The following SLC4A10 variants were observed in gnomAD, a reference collection of about 807,000 sequenced individuals.
SLC4A10 encodes solute carrier family 4 member 10, also known as sodium-driven chloride bicarbonate exchanger.
A neutral mutation model predicts 137.7 loss-of-function variants in SLC4A10; 42 were observed. That is an observed-to-expected ratio of 0.30 (90% CI 0.24 to 0.39). The LOEUF is 0.39. Ranked by LOEUF, SLC4A10 falls within the 10% of genes least tolerant of loss-of-function variation. The pLI is 1.00. For synonymous variants in SLC4A10, 474 were observed against 464.1 expected, an observed-to-expected ratio of 1.02 and a Z score of -0.27; for missense variants, 925 against 1,355.0, an observed-to-expected ratio of 0.68 and a Z score of 4.98.
chr2:161,786,945 T>A (rs908493561), intron 2 of SLC4A10, among the ~76,000 whole-genome samples: 2 of 151,990 alleles, frequency 1.3e-5, no homozygotes, highest in Non-Finnish European at 2.9e-5. Flanking sequence ...AGTGGTGTAA[T>A]TGCTTTATAG....
At chr2:161,938,946 AT>A (rs1316738403) in intron 15 of SLC4A10, among the ~76,000 whole-genome samples, 3 of 152,160 alleles carry the variant, frequency 2.0e-5, no homozygotes, top group Non-Finnish European at 4.4e-5. Context: ...TTTTAACAAA[AT>A]TTTTTAAAAT....
At chr2:161,637,719 T>C (rs1275339463) in intron 1 of SLC4A10, among the ~76,000 whole-genome samples, 2 of 152,166 alleles carry the variant, frequency 1.3e-5, no homozygotes, top group Non-Finnish European at 2.9e-5. Flanking sequence ...ATAATGGCTA[T>C]ACAAATTTAT....
intron 26 of SLC4A10, among the ~76,000 whole-genome samples, chr2:161,980,648 C>A (rs1316762944): frequency 6.6e-6 from 1 of 151,566 alleles, no homozygotes; most frequent in African/African-American, 2.4e-5. Context: ...CACTCTGTCT[C>A]AAAAAAAACA....
chr2:161,797,927 C>G (rs2054951645), intron 2 of SLC4A10, among the ~76,000 whole-genome samples: 1 of 151,992 alleles, frequency 6.6e-6, no homozygotes, highest in South Asian at 2.1e-4. Context: ...GTCATGAAGC[C>G]TTTTGTTTTA....
intron 2 of SLC4A10, among the ~76,000 whole-genome samples, chr2:161,783,873 A>G (rs2053333469): frequency 6.6e-6 from 1 of 151,932 alleles, no homozygotes; most frequent in Admixed American, 6.6e-5. Flanking sequence ...AGAAAACAGT[A>G]CATGACAATA....
At chr2:161,772,461 A>G (rs183747396) in intron 2 of SLC4A10, among the ~76,000 whole-genome samples, 2 of 151,906 alleles carry the variant, frequency 1.3e-5, no homozygotes, top group Non-Finnish European at 2.9e-5. Context: ...ATACTTAATA[A>G]AAAATAGCAT....
At chr2:161,870,060 A>T (rs1222341479) in intron 6 of SLC4A10, among the ~76,000 whole-genome samples, 1 of 151,264 alleles carries the variant, frequency 6.6e-6, no homozygotes, top group Non-Finnish European at 1.5e-5. Context: ...TTCATTATCA[A>T]CCTTATAAAG....
intron 1 of SLC4A10, among the ~76,000 whole-genome samples, chr2:161,671,278 A>C (rs2039688916): frequency 6.6e-6 from 1 of 152,176 alleles, no homozygotes; most frequent in African/African-American, 2.4e-5. Flanking sequence ...ACAAGGAGCC[A>C]TATTGGAAGC....
At chr2:161,858,021 G>A (rs2060201736) in intron 5 of SLC4A10, among the ~76,000 whole-genome samples, 1 of 151,936 alleles carries the variant, frequency 6.6e-6, no homozygotes, top group Non-Finnish European at 1.5e-5. Context: ...CATAATTTTT[G>A]TTTTATTCTG....
At chr2:161,689,607 T>C (rs956658077) in intron 1 of SLC4A10, among the ~76,000 whole-genome samples, 1 of 152,186 alleles carries the variant, frequency 6.6e-6, no homozygotes, top group Admixed American at 6.5e-5. Flanking sequence ...TCTCAGAACA[T>C]GTCCCTGTCA....
chr2:161,736,761 A>G (rs2047387225), intron 1 of SLC4A10, among the ~76,000 whole-genome samples: 2 of 152,178 alleles, frequency 1.3e-5, no homozygotes, highest in African/African-American at 2.4e-5. Context: ...GCCAAACCAT[A>G]TCAGACTTGT....
intron 3 of SLC4A10, among the ~76,000 whole-genome samples, chr2:161,834,862 T>A (rs937266643): frequency 6.6e-6 from 1 of 152,014 alleles, no homozygotes; most frequent in Admixed American, 6.5e-5. Flanking sequence ...ACAGCAATAA[T>A]CTCAATTATC....
At chr2:161,879,369 C>A in intron 9 of SLC4A10, 81 bp downstream of exon 9, 1 of 1,398,324 alleles carries the variant, frequency 7.2e-7, no homozygotes, top group Non-Finnish European at 9.6e-7. Flanking sequence ...ATGTAATTTT[C>A]TGTTAGAGTT....
intron 1 of SLC4A10, chr2:161,709,685 T>C (rs947075171): frequency 2.0e-5 from 3 of 151,642 alleles, no homozygotes; most frequent in Non-Finnish European, 4.4e-5. Context: ...CATTTTGTAC[T>C]GAAACTCTGC....
rs986191771 is a variant in SLC4A10 at position 161,984,969 on chromosome 2, A to G, written c.*1817A>G. 1.3e-5 allele frequency: 2 copies of G among 152,066 alleles called. No homozygotes were observed. The highest frequency in any genetic ancestry group is 2.9e-5 in the Non-Finnish European group (2 of 67,948). 9.4% of individuals were successfully genotyped at this position (152,066 alleles called of 1,614,324 possible). ...ACATGATCACCTATTTGAATAAGCA[A>G]TCATATCCAATGAAATTCTGTATTT... On this transcript the variant is annotated 3_prime_UTR_variant, in exon 27 of 27. Coordinates refer to ENST00000446997, the MANE Select transcript of SLC4A10 (RefSeq NM_001178015.2).
At chr2:161,877,342 T>G (rs902362762) in intron 8 of SLC4A10, among the ~76,000 whole-genome samples, 1 of 152,050 alleles carries the variant, frequency 6.6e-6, no homozygotes, top group Non-Finnish European at 1.5e-5. Flanking sequence ...TTCAGTATAT[T>G]TATATTGTAT....
At chr2:161,648,761 A>G (rs965026546) in intron 1 of SLC4A10, among the ~76,000 whole-genome samples, 11 of 152,186 alleles carry the variant, frequency 7.2e-5, no homozygotes, top group Admixed American at 7.2e-4. Context: ...TTTTTTATTT[A>G]AGCAATATGT....
chr2:161,685,131 A>T (rs2041244782), intron 1 of SLC4A10, among the ~76,000 whole-genome samples: 1 of 152,120 alleles, frequency 6.6e-6, no homozygotes, highest in Non-Finnish European at 1.5e-5. Flanking sequence ...TATCAGCAGG[A>T]ATTTATTTAC....
intron 23 of SLC4A10, among the ~76,000 whole-genome samples, chr2:161,972,084 C>T (rs891745029): frequency 1.3e-5 from 2 of 152,134 alleles, no homozygotes; most frequent in African/African-American, 2.4e-5. Context: ...TTGCATTTTA[C>T]TCTTTCTTAA....
Sources: gnomAD v4.1 joint callset for allele counts (sites outside exome capture counted in the v4.1 genomes callset) on GRCh38, gnomAD v4.1.1 for gene constraint, MANE v1.5 for transcripts, NCBI Gene and HGNC (gene_info 2026-07-23, HGNC 2026-07-21) for gene names.